The following WDPCP variants were observed in gnomAD, a reference collection of about 807,000 sequenced individuals.
The protein encoded by WDPCP is WD repeat containing planar cell polarity effector, also known as WD repeat-containing and planar cell polarity effector protein fritz homolog.
Under a neutral mutation model 93.1 loss-of-function variants are expected in WDPCP, and 71 were observed. The ratio of observed to expected loss-of-function variants is 0.76; its 90% CI spans 0.63 to 0.93. The LOEUF (loss-of-function observed/expected upper bound fraction) is 0.93, where lower values mean the gene tolerates loss of function less well. Ranked by LOEUF, WDPCP falls within the 40% of genes least tolerant of loss-of-function variation. The pLI is 0.00. For synonymous variants in WDPCP, 315 were observed against 315.0 expected, an observed-to-expected ratio of 1.00 and a Z score of 0.00; for missense variants, 844 against 887.4, an observed-to-expected ratio of 0.95 and a Z score of 0.62.
intron 14 of WDPCP, among the ~76,000 whole-genome samples, chr2:63,237,021 G>C (rs1029063830): frequency 2.0e-5 from 3 of 151,698 alleles, no homozygotes; most frequent in Non-Finnish European, 4.4e-5. Context: ...CACAGCAAAA[G>C]AAACTATCAA....
intron 1 of WDPCP, among the ~76,000 whole-genome samples, chr2:63,500,378 C>T (rs1314438894): frequency 1.3e-5 from 2 of 151,168 alleles, no homozygotes; most frequent in Admixed American, 1.3e-4. Context: ...GGTAATTCTC[C>T]AATAAAGAGT....
At chr2:63,673,299 G>A (rs949995980) in intron 2 of WDPCP, among the ~76,000 whole-genome samples, 3 of 152,098 alleles carry the variant, frequency 2.0e-5, no homozygotes, top group Non-Finnish European at 4.4e-5. Flanking sequence ...AGATTTATTG[G>A]AGAAAATGCC....
intron 9 of WDPCP, among the ~76,000 whole-genome samples, chr2:63,428,894 A>G (rs1696516874): frequency 6.6e-6 from 1 of 152,214 alleles, no homozygotes; most frequent in African/African-American, 2.4e-5. Flanking sequence ...AATCAGAGAC[A>G]ACACAAATAA....
intron 6 of WDPCP, among the ~76,000 whole-genome samples, chr2:63,477,338 T>C (rs1453882649): frequency 2.0e-5 from 3 of 152,060 alleles, no homozygotes; most frequent in Non-Finnish European, 4.4e-5. Flanking sequence ...ACAAAAAAAA[T>C]GTGAGAAATA....
chr2:63,545,233 G>A (rs1414448064), intron 1 of WDPCP, among the ~76,000 whole-genome samples: 1 of 151,974 alleles, frequency 6.6e-6, no homozygotes, highest in East Asian at 1.9e-4. Flanking sequence ...CCAGGAGAGA[G>A]CCAAATACAA....
chr2:63,816,791 T>C (rs1182010724), intron 1 of WDPCP, among the ~76,000 whole-genome samples: 1 of 152,152 alleles, frequency 6.6e-6, no homozygotes, highest in Admixed American at 6.6e-5. Flanking sequence ...TGCTATTCAG[T>C]AATAAAAGGA....
chr2:63,442,195 A>G (rs1181176751), intron 6 of WDPCP: 2 of 152,170 alleles, frequency 1.3e-5, no homozygotes, highest in Non-Finnish European at 2.9e-5. Context: ...AATAAAATCA[A>G]TATTGGCTAC....
At chr2:63,791,902 T>C (rs1022679485) in intron 2 of WDPCP, among the ~76,000 whole-genome samples, 5 of 152,186 alleles carry the variant, frequency 3.3e-5, no homozygotes, top group African/African-American at 9.7e-5. Context: ...AGATAAATAA[T>C]ATAAAGCATT....
chr2:63,649,988 T>C (rs1217077806), intron 3 of WDPCP, among the ~76,000 whole-genome samples: 2 of 152,102 alleles, frequency 1.3e-5, no homozygotes, highest in Non-Finnish European at 2.9e-5. Context: ...GCAAAGGCAA[T>C]AAGAGGAGAA....
intron 1 of WDPCP, among the ~76,000 whole-genome samples, chr2:63,586,838 C>T (rs1439616553): frequency 3.3e-5 from 5 of 152,180 alleles, no homozygotes; most frequent in Admixed American, 1.3e-4. Context: ...TAAAAAGTCT[C>T]CCTTGTAAAA....
rs1314680877 is a variant in WDPCP at position 63,694,784 on chromosome 2, T to C, written n.309-43946A>G. On this transcript the variant is annotated intron_variant and non_coding_transcript_variant, in intron 2 of 4. Transcript: ENST00000467687. The stretch of plus-strand genomic sequence containing the variant: ...TGTAGCAGGTATGTATAAGTTAACA[T>C]TGTTGGAGAGGAAAATGTGGCCTTT... 2.6e-5 allele frequency among the ~76,000 whole-genome samples: 4 copies of C among 152,172 alleles called. No individual in the cohort carries two copies. The East Asian group carries it at 7.7e-4, about 29-fold the overall frequency.
chr2:63,511,572 A>T (rs1272400590), intron 1 of WDPCP, among the ~76,000 whole-genome samples: 1 of 152,192 alleles, frequency 6.6e-6, no homozygotes, highest in Non-Finnish European at 1.5e-5. Context: ...GGAACAGAAC[A>T]GAGGCCTCAG....
intron 3 of WDPCP, among the ~76,000 whole-genome samples, chr2:63,607,564 C>G (rs1264680096): frequency 6.6e-6 from 1 of 151,008 alleles, no homozygotes; most frequent in African/African-American, 2.4e-5. Flanking sequence ...GGCGCGGTGG[C>G]TCCCGCCTGT....
At chr2:63,776,497 A>G (rs572719031) in intron 2 of WDPCP, among the ~76,000 whole-genome samples, 1 of 152,108 alleles carries the variant, frequency 6.6e-6, no homozygotes, top group African/African-American at 2.4e-5. Flanking sequence ...TCTACAAAAA[A>G]TACAAAAAAT....
At chr2:63,170,658 G>A (rs1272617360) in intron 15 of WDPCP, among the ~76,000 whole-genome samples, 1 of 152,102 alleles carries the variant, frequency 6.6e-6, no homozygotes, top group Non-Finnish European at 1.5e-5. Flanking sequence ...GTGTTATACA[G>A]TTTTCTTTGA....
At chr2:63,268,569 T>C (rs941417692) in intron 13 of WDPCP, among the ~76,000 whole-genome samples, 1 of 152,128 alleles carries the variant, frequency 6.6e-6, no homozygotes, top group African/African-American at 2.4e-5. Flanking sequence ...AGGGCTCAGG[T>C]GATCCTCCCA....
chr2:63,207,921 A>ATCTT lies in WDPCP; in HGVS notation c.1916-33093_1916-33090dup. 2.0e-5 allele frequency among the ~76,000 whole-genome samples: 3 copies of ATCTT among 152,078 alleles called. No homozygotes were observed. The Middle Eastern group carries it at 0.01, about 517-fold the overall frequency. On this transcript the variant is annotated intron_variant, in intron 14 of 17. Coordinates refer to ENST00000272321, the MANE Select transcript of WDPCP (RefSeq NM_015910.7). Reference sequence around the variant, plus strand: ...CTTTTTCTTGAGTCCATTTTCATTTATCTTTCATTTTTAAGTGTTTCCTCT... The same window carrying ATCTT: ...CTTTTTCTTGAGTCCATTTTCATTTATCTTTCTTTCATTTTTAAGTGTTTCCTCT...
intron 13 of WDPCP, among the ~76,000 whole-genome samples, chr2:63,303,235 C>A (rs1685464239): frequency 6.6e-6 from 1 of 152,160 alleles, no homozygotes; most frequent in Admixed American, 6.5e-5. Context: ...CCTTTGTGGA[C>A]CAGTTCCAGT....
chr2:63,464,204 G>T (rs1381879872), intron 6 of WDPCP, among the ~76,000 whole-genome samples: 1 of 151,970 alleles, frequency 6.6e-6, no homozygotes, highest in African/African-American at 2.4e-5. Context: ...ATGGGCAAAG[G>T]ACTTAAATAG....
Sources: gnomAD v4.1 joint callset for allele counts (sites outside exome capture counted in the v4.1 genomes callset) on GRCh38, gnomAD v4.1.1 for gene constraint, MANE v1.5 for transcripts, NCBI Gene and HGNC (gene_info 2026-07-23, HGNC 2026-07-21) for gene names.